The following BMP6 variants were observed in gnomAD, a reference collection of about 807,000 sequenced individuals.
BMP6 encodes the protein VG-1-R.
Under a neutral mutation model 54.1 loss-of-function variants are expected in BMP6, and 17 were observed. That is an observed-to-expected ratio of 0.31 (90% CI 0.22 to 0.47). The LOEUF (loss-of-function observed/expected upper bound fraction) is 0.47. BMP6 is among the 20% of genes least tolerant of loss of function. The probability of loss-of-function intolerance (pLI) is 1.00; values close to 1 mark genes in which losing one functional copy is unlikely to be tolerated. For missense variants in BMP6, 720 were observed against 690.4 expected (o/e 1.04, Z -0.48); for synonymous variants, 328 against 291.2 (o/e 1.13, Z -1.28).
At chr6:7,825,581 A>C (rs1285747235) in intron 1 of BMP6, among the ~76,000 whole-genome samples, 1 of 152,010 alleles carries the variant, frequency 6.6e-6, no homozygotes, top group African/African-American at 2.4e-5. Context: ...TTAGCCAGGC[A>C]TGGTGGCGCA....
In BMP6 at chr6:7,840,990, C is replaced by G. The variant is rs185530546; in HGVS notation, c.665-4150C>G. 2.4e-3 allele frequency among the ~76,000 whole-genome samples: 359 copies of G among 152,298 alleles called. 3 individuals are homozygous for G. Among genetic ancestry groups the G allele is most frequent in the South Asian group, 0.023 (109 of 4,820 alleles). ...GACTCGTGAATAAATTTGAATTACT[C>G]AGCAAAGACATACTCCAAGCTCCGA... On this transcript the variant is annotated intron_variant, in intron 1 of 6. Transcript: ENST00000283147.
chr6:7,791,689 AC>A (rs35500965), intron 1 of BMP6, among the ~76,000 whole-genome samples: 3 of 151,154 alleles, frequency 2.0e-5, no homozygotes, highest in Admixed American at 6.6e-5. Context: ...TTTCATTGTG[AC>A]CCCCATGCCT....
At chr6:7,823,610 G>T (rs531382294) in intron 1 of BMP6, among the ~76,000 whole-genome samples, 2 of 152,306 alleles carry the variant, frequency 1.3e-5, no homozygotes, top group African/African-American at 2.4e-5. Context: ...CGCTGTGTTA[G>T]GTGGGCAGGT....
intron 1 of BMP6, among the ~76,000 whole-genome samples, chr6:7,749,265 A>G (rs546368680): frequency 6.2e-4 from 95 of 152,302 alleles, no homozygotes; most frequent in African/African-American, 2.0e-3. Flanking sequence ...CTGTTGTTTT[A>G]TCTTATGAAT....
intron 2 of BMP6, among the ~76,000 whole-genome samples, chr6:7,860,590 G>A (rs1222691215): frequency 6.6e-6 from 1 of 152,170 alleles, no homozygotes; most frequent in East Asian, 1.9e-4. Flanking sequence ...TTCCCTGAAG[G>A]GCCTAATGGA....
At chr6:7,878,124 T>A (rs1759650885) in intron 4 of BMP6, among the ~76,000 whole-genome samples, 1 of 152,190 alleles carries the variant, frequency 6.6e-6, no homozygotes, top group Non-Finnish European at 1.5e-5. Context: ...GTCCCTTCTC[T>A]GAAGGGACAT....
intron 1 of BMP6, among the ~76,000 whole-genome samples, chr6:7,809,872 A>G (rs1051704842): frequency 3.3e-5 from 5 of 152,236 alleles, no homozygotes; most frequent in African/African-American, 1.2e-4. Context: ...TATCAAAGAC[A>G]GCAAAATTAA....
intron 1 of BMP6, among the ~76,000 whole-genome samples, chr6:7,794,807 G>C (rs1180205700): frequency 6.6e-6 from 1 of 152,106 alleles, no homozygotes; most frequent in Non-Finnish European, 1.5e-5. Flanking sequence ...CAGGGATTTG[G>C]ACACAGGTTG....
intron 1 of BMP6, among the ~76,000 whole-genome samples, chr6:7,782,291 C>T (rs550652647): frequency 2.1e-4 from 32 of 152,108 alleles, no homozygotes; most frequent in African/African-American, 6.7e-4. Context: ...GGGGCATGCT[C>T]GTGTTGAGTT....
chr6:7,811,905 G>C (rs908203488), intron 1 of BMP6, among the ~76,000 whole-genome samples: 1 of 152,162 alleles, frequency 6.6e-6, no homozygotes, highest in Non-Finnish European at 1.5e-5. Context: ...TTAAAAAACT[G>C]GGATTCTTAA....
rs1248426451 is a variant in BMP6 at position 7,727,226 on chromosome 6, C to G, written c.271C>G (p.His91Asp). The G allele has an allele frequency of 6.2e-7, 1 of 1,605,992 alleles. No homozygotes were observed. Among genetic ancestry groups the G allele is most frequent in the East Asian group, 2.2e-5 (1 of 44,582 alleles). ...KEILSVLGLPHRPRPLHGLQQ... is the reference protein window; with the variant it reads ...KEILSVLGLPDRPRPLHGLQQ... The stretch of plus-strand genomic sequence containing the variant: ...GATCTTGTCGGTGCTGGGGCTCCCG[C>G]ACCGGCCCCGGCCCCTGCACGGCCT... Residue 91 changes from histidine (H) to aspartate (D), a missense_variant, in exon 1 of 7, where the codon CAC (histidine) becomes GAC (aspartate). This residue lies in a region of BMP6 where 650 missense variants were observed against 556.3 expected (regional missense o/e 1.17). Transcript: ENST00000283147.
At chr6:7,744,877 G>A (rs1178539113) in intron 1 of BMP6, among the ~76,000 whole-genome samples, 1 of 152,206 alleles carries the variant, frequency 6.6e-6, no homozygotes, top group Non-Finnish European at 1.5e-5. Context: ...GCCTGGTGCA[G>A]ACCAGGCCCT....
At chr6:7,767,531 C>T (rs1484912700) in intron 1 of BMP6, among the ~76,000 whole-genome samples, 1 of 152,130 alleles carries the variant, frequency 6.6e-6, no homozygotes, top group African/African-American at 2.4e-5. Flanking sequence ...GGGGGAGCGT[C>T]GAGCTTCTCA....
intron 1 of BMP6, among the ~76,000 whole-genome samples, chr6:7,751,219 G>T (rs1268638211): frequency 6.6e-6 from 1 of 152,136 alleles, no homozygotes; most frequent in African/African-American, 2.4e-5. Flanking sequence ...CTGCCAAATT[G>T]GTCAAAGAAA....
intron 2 of BMP6, among the ~76,000 whole-genome samples, chr6:7,860,286 T>C (rs1759314306): frequency 6.6e-6 from 1 of 152,222 alleles, no homozygotes; most frequent in African/African-American, 2.4e-5. Context: ...ATCTTAAACT[T>C]AGTATTTAAT....
chr6:7,809,116 CCA>C lies in BMP6; in HGVS notation c.665-36023_665-36022del, dbSNP rs745433836. Among the ~76,000 whole-genome samples, 481 of 144,496 alleles carry C rather than the reference CCA, an allele frequency of 3.3e-3. 2 individuals carry two copies. Among genetic ancestry groups the C allele is most frequent in the African/African-American group, 9.6e-3 (371 of 38,460 alleles). 94.8% of individuals were successfully genotyped at this position (144,496 alleles called of 152,430 possible). ...GGCGTATAGTACCCCCCACCCCCCC[CCA>C]AAAAAAAAACGCTTTTTAAACATGT... On this transcript the variant is annotated intron_variant, in intron 1 of 6. Coordinates refer to ENST00000283147, the MANE Select transcript of BMP6 (RefSeq NM_001718.6).
At position 7,856,043 on chromosome 6, in the gene BMP6, A is replaced by C. The variant is rs139026214; in HGVS notation, c.858-5408A>C. On this transcript the variant is annotated intron_variant, in intron 2 of 6. Coordinates refer to ENST00000283147, the MANE Select transcript of BMP6 (RefSeq NM_001718.6). ...AAGACGAAATAGCCCCTACAGAATC[A>C]AGGTGCATTTGATATTTGAAACGTC... 1.6e-4 allele frequency among the ~76,000 whole-genome samples: 24 copies of C among 147,758 alleles called. No individual in the cohort carries two copies. The East Asian group carries it at 4.8e-3, about 30-fold the overall frequency.
chr6:7,803,787 A>G (rs1340568780), intron 1 of BMP6, among the ~76,000 whole-genome samples: 4 of 152,012 alleles, frequency 2.6e-5, no homozygotes, highest in Admixed American at 6.6e-5. Context: ...GGGCCTAACA[A>G]TTGCTAGTGT....
chr6:7,860,407 G>A (rs576206414), intron 2 of BMP6, among the ~76,000 whole-genome samples: 1 of 152,178 alleles, frequency 6.6e-6, no homozygotes, highest in East Asian at 1.9e-4. Flanking sequence ...GGGAATCCCA[G>A]GCCATCTCAT....
Sources: gnomAD v4.1 joint callset for allele counts (sites outside exome capture counted in the v4.1 genomes callset) on GRCh38, gnomAD v4.1.1 for gene constraint, gnomAD v4.1.1 regional missense constraint, MANE v1.5 for transcripts, NCBI Gene and HGNC (gene_info 2026-07-23, HGNC 2026-07-21) for gene names.